The following THSD1 variants were observed in gnomAD, a reference collection of about 807,000 sequenced individuals.
THSD1 encodes thrombospondin type-1 domain-containing protein 1.
In THSD1, 34 loss-of-function variants were observed where a neutral mutation model predicts 46.3. That is an observed-to-expected ratio of 0.74 (90% CI 0.56 to 0.98). THSD1 has a LOEUF of 0.98. THSD1 is among the 50% of genes least tolerant of loss of function. The pLI is 0.00. For synonymous variants in THSD1, 407 were observed against 416.5 expected, an observed-to-expected ratio of 0.98 and a Z score of 0.28; for missense variants, 1,023 against 1,058.3, an observed-to-expected ratio of 0.97 and a Z score of 0.46.
intron 2 of THSD1, among the ~76,000 whole-genome samples, chr13:52,399,811 G>A (rs1688854182): frequency 6.6e-6 from 1 of 152,124 alleles, no homozygotes; most frequent in Non-Finnish European, 1.5e-5. Flanking sequence ...TTGTGTACTG[G>A]ATCAGACCCA....
chr13:52,396,470 C>T (rs1239475167), intron 3 of THSD1, among the ~76,000 whole-genome samples: 7 of 152,140 alleles, frequency 4.6e-5, no homozygotes, highest in East Asian at 1.9e-4. Context: ...TGCAGTGAGC[C>T]GAGATCGCGC....
At chr13:52,391,220 A>ATT (rs1189826794) in intron 3 of THSD1, among the ~76,000 whole-genome samples, 15 of 142,712 alleles carry the variant, frequency 1.1e-4, no homozygotes, top group African/African-American at 2.3e-4. Flanking sequence ...CTTAGAATAA[A>ATT]TTTTTTTTTT....
At chr13:52,380,095 TTTC>T (rs1594096134) in intron 4 of THSD1, among the ~76,000 whole-genome samples, 1 of 152,062 alleles carries the variant, frequency 6.6e-6, no homozygotes, top group Non-Finnish European at 1.5e-5. Flanking sequence ...GAGGGGTACT[TTTC>T]TTCTTTTTCC....
At position 52,402,496 on chromosome 13, in the gene THSD1, T is replaced by A. The variant is rs745738619; in HGVS notation, c.58+47A>T. 2.5e-6 allele frequency: 4 copies of A among 1,570,562 alleles called. No homozygotes were observed. In the Admixed American group the frequency reaches 6.7e-5, roughly 26 times the overall value. ...ATCAATGCATTTATAATGTCATCTT[T>A]ATGTCTTATTGCTACCAGTAGCGTT... is the stretch of plus-strand genomic sequence containing the variant. On this transcript the variant is annotated intron_variant, in intron 2 of 4. Transcript: ENST00000258613.
intron 3 of THSD1, among the ~76,000 whole-genome samples, chr13:52,396,957 A>G (rs538541950): frequency 6.6e-6 from 1 of 152,208 alleles, no homozygotes; most frequent in Admixed American, 6.5e-5. Flanking sequence ...CTATCCTGAG[A>G]GTGTTACATG....
chr13:52,387,433 T>G (rs1957740882), intron 3 of THSD1, among the ~76,000 whole-genome samples: 1 of 152,062 alleles, frequency 6.6e-6, no homozygotes, highest in African/African-American at 2.4e-5. Flanking sequence ...TCAAAATTAT[T>G]AGGCACAAAA....
chr13:52,378,114 CT>C lies in THSD1; in HGVS notation c.1855del (p.Ser619AlafsTer6). On this transcript the variant is annotated frameshift_variant, in exon 5 of 5. Transcript: ENST00000258613. LOFTEE classifies it high-confidence loss of function. Reference protein sequence around the residue: ...LNVTQASCAISPSQTLIRKSQ... With the variant: ...LNVTQASCAIXPSQTLIRKSQ... ...CTTGCGGATCAGAGTCTGGCTGGGG[CT>C]TATGGCACAACTGGCCTGAGTCACA... 1.2e-6 allele frequency: 2 copies of C among 1,614,208 alleles called. No individual in the cohort carries two copies. Among genetic ancestry groups the C allele is most frequent in the Non-Finnish European group, 1.7e-6 (2 of 1,180,032 alleles).
Position 52,377,915 on chromosome 13 carries a change from C to T in THSD1, c.2055G>A (p.Thr685=), listed in dbSNP as rs1447508408. ...TGTCCTCTGCCTGCTCGCAGGTCCG[C>T]GTCCTAGAGCTGTAGGCAGGGGCCT... ...PRQAPAYSSR[T]RTCEQAEDRF... Residue 685 remains threonine, a synonymous_variant, in exon 5 of 5, where the codon ACG becomes ACA. Transcript: ENST00000258613. 1 of 1,614,184 alleles carries T rather than the reference C, an allele frequency of 6.2e-7. No homozygotes were observed. Among genetic ancestry groups the T allele is most frequent in the South Asian group, 1.1e-5 (1 of 91,086 alleles).
chr13:52,397,673 T>A lies in THSD1; in HGVS notation c.580A>T (p.Thr194Ser), dbSNP rs1253122518. 6.2e-7 allele frequency: 1 copy of A among 1,614,222 alleles called. No individual in the cohort carries two copies. The highest frequency in any genetic ancestry group is 1.7e-5 in the Admixed American group (1 of 60,024). ...ACCCACTGACCTTGAGCAAGTTCTG[T>A]CCTTTTGCTGGTTCTTATTTCCAGC... is the stretch of plus-strand genomic sequence containing the variant. The part of the protein sequence containing the change: ...QPLEIRTSKR[T>S]ELAQGQWVEF... The change falls in exon 3 of 5, where the codon ACA becomes TCA. Residue 194 changes from threonine (T) to serine (S), a missense_variant. This residue lies in a region of THSD1 where 429 missense variants were observed against 518.3 expected (regional missense o/e 0.83). Transcript: ENST00000258613.
intron 4 of THSD1, among the ~76,000 whole-genome samples, chr13:52,381,657 C>T (rs1957693768): frequency 6.6e-6 from 1 of 152,280 alleles, no homozygotes; most frequent in Non-Finnish European, 1.5e-5. Context: ...AGGCCACAAG[C>T]AAATGCTTTC....
intron 3 of THSD1, among the ~76,000 whole-genome samples, chr13:52,388,124 C>G (rs922433534): frequency 4.6e-5 from 7 of 150,622 alleles, no homozygotes; most frequent in Admixed American, 4.6e-4. Flanking sequence ...ATTATCCAAG[C>G]CAGAAGATAA....
At position 52,386,149 on chromosome 13, in the gene THSD1, A is replaced by G. The variant is rs1232899149; in HGVS notation, c.1059T>C (p.Ser353=). ...CTCTGACACCATCCCCACATGTGGC[A>G]CTACACTGGCTCCATGGCTGCCACA... is the stretch of plus-strand genomic sequence containing the variant. ...WGLWQPWSQC[S]ATCGDGVRER... is the part of the protein sequence containing the mutation. The change falls in exon 4 of 5, where the codon AGT becomes AGC. Residue 353 remains serine, a synonymous_variant. Coordinates refer to ENST00000258613, the MANE Select transcript of THSD1 (RefSeq NM_018676.4). 6.2e-6 allele frequency: 10 copies of G among 1,614,094 alleles called. No homozygotes were observed. Among genetic ancestry groups the G allele is most frequent in the Admixed American group, 3.3e-5 (2 of 59,998 alleles).
chr13:52,377,984 G>T lies in THSD1; in HGVS notation c.1986C>A (p.Ala662=). The T allele has an allele frequency of 6.2e-7, 1 of 1,614,118 alleles. No individual in the cohort carries two copies. Among genetic ancestry groups the T allele is most frequent in the Non-Finnish European group, 8.5e-7 (1 of 1,180,032 alleles). ...RTASFHEARQ[A]RPFRERSMST... ...ACATGCTCCTCTCTCGGAACGGCCG[G>T]GCCTGCCTGGCTTCATGGAAACTCG... Residue 662 remains alanine, a synonymous_variant, in exon 5 of 5, where the codon GCC becomes GCA. Coordinates refer to ENST00000258613, the MANE Select transcript of THSD1 (RefSeq NM_018676.4).
At chr13:52,389,923 T>A (rs144727368) in intron 3 of THSD1, among the ~76,000 whole-genome samples, 1 of 152,212 alleles carries the variant, frequency 6.6e-6, no homozygotes, top group African/African-American at 2.4e-5. Flanking sequence ...GTGGATCACT[T>A]GAGCTCAGGA....
chr13:52,404,784 A>G (rs541874492), intron 1 of THSD1, among the ~76,000 whole-genome samples: 2 of 152,332 alleles, frequency 1.3e-5, no homozygotes, highest in South Asian at 4.1e-4. Flanking sequence ...TGCTTCCACG[A>G]CAATAACATT....
At chr13:52,399,163 G>T (rs1172546267) in intron 2 of THSD1, among the ~76,000 whole-genome samples, 1 of 152,206 alleles carries the variant, frequency 6.6e-6, no homozygotes, top group Non-Finnish European at 1.5e-5. Context: ...TAGGACAGAT[G>T]ACTACTACTT....
At chr13:52,394,080 C>T (rs1450218556) in intron 3 of THSD1, among the ~76,000 whole-genome samples, 1 of 152,154 alleles carries the variant, frequency 6.6e-6, no homozygotes, top group African/African-American at 2.4e-5. Flanking sequence ...ACACAGAGAA[C>T]CACTCCCGTT....
rs551529354 is a variant in THSD1 at position 52,398,792 on chromosome 13, G to A, written c.59-598C>T. On this transcript the variant is annotated intron_variant, in intron 2 of 4. Transcript: ENST00000258613. ...AATAATTTTTAGGATTAAAAACCCA[G>A]TATCTCATATTGTTAATCAAAGATT... Among the ~76,000 whole-genome samples the A allele has an allele frequency of 3.3e-5, 5 of 152,314 alleles. No individual in the cohort carries two copies. In the East Asian group the frequency reaches 9.6e-4, roughly 29 times the overall value.
intron 2 of THSD1, among the ~76,000 whole-genome samples, chr13:52,399,263 C>T (rs1018639645): frequency 6.6e-6 from 1 of 152,136 alleles, no homozygotes; most frequent in African/African-American, 2.4e-5. Flanking sequence ...AATAGACACA[C>T]AAGAATCCTT....
Sources: allele counts gnomAD v4.1 joint callset (sites outside exome capture counted in the v4.1 genomes callset), GRCh38; gene constraint gnomAD v4.1.1; regional missense constraint gnomAD v4.1.1; transcripts MANE v1.5; gene names NCBI Gene and HGNC (gene_info 2026-07-23, HGNC 2026-07-21).